Variants in COL13A1 observed in about 807,000 individuals in gnomAD.
The protein encoded by COL13A1 is collagen type XIII alpha 1 chain.
Under a neutral mutation model 130.9 loss-of-function variants are expected in COL13A1, and 89 were observed. That is an observed-to-expected ratio of 0.68 (90% CI 0.57 to 0.81). The LOEUF (loss-of-function observed/expected upper bound fraction) is 0.81, where lower values mean the gene tolerates loss of function less well. Ranked by LOEUF, COL13A1 falls within the 30% of genes least tolerant of loss-of-function variation. The probability of loss-of-function intolerance (pLI) is 0.00; values close to 1 mark genes in which losing one functional copy is unlikely to be tolerated. For synonymous variants in COL13A1, 402 were observed against 341.6 expected, an observed-to-expected ratio of 1.18 and a Z score of -1.95; for missense variants, 879 against 934.6, an observed-to-expected ratio of 0.94 and a Z score of 0.78.
Position 69,834,857 on chromosome 10 carries a change from G to A in COL13A1, c.364+12419G>A, listed in dbSNP as rs1270623686. On this transcript the variant is annotated intron_variant, in intron 2 of 40. Transcript: ENST00000645393. ...GGAACAGTTCGTCCAGAGGGAGAGGGGCTAGAAGCCCATTCTGAGCTTGTG... is the reference window on the plus strand; with the variant it reads ...GGAACAGTTCGTCCAGAGGGAGAGGAGCTAGAAGCCCATTCTGAGCTTGTG... 2.0e-5 allele frequency among the ~76,000 whole-genome samples: 3 copies of A among 152,316 alleles called. No individual in the cohort carries two copies. The South Asian group carries it at 6.2e-4, about 32-fold the overall frequency.
At chr10:69,872,793 A>G (rs1028275122) in intron 4 of COL13A1, among the ~76,000 whole-genome samples, 1 of 152,340 alleles carries the variant, frequency 6.6e-6, no homozygotes, top group East Asian at 1.9e-4. Context: ...TCAATACCTC[A>G]GTGAAATGGG....
rs561680463 is a variant in COL13A1, at chr10:69,885,830, G to T, written c.514-1626G>T. On this transcript the variant is annotated intron_variant, in intron 7 of 40. Coordinates refer to ENST00000645393, the MANE Select transcript of COL13A1 (RefSeq NM_001368882.1). ...ATCACTTATCCTTGAGAGGAGAAAA[G>T]CCAGGGGCCCTTCCGATAGATGAGT... Among the ~76,000 whole-genome samples the T allele has an allele frequency of 3.5e-4, 53 of 152,254 alleles. 2 individuals carry two copies. The highest frequency in any genetic ancestry group is 3.5e-3 in the Admixed American group (53 of 15,292).
intron 27 of COL13A1, among the ~76,000 whole-genome samples, chr10:69,927,916 T>C (rs375460899): frequency 7.2e-5 from 11 of 152,342 alleles, no homozygotes; most frequent in African/African-American, 2.2e-4. Context: ...TCCCAGCACT[T>C]TGAGACACTG....
chr10:69,869,033 G>A (rs576200728), intron 3 of COL13A1, among the ~76,000 whole-genome samples: 1 of 152,184 alleles, frequency 6.6e-6, no homozygotes, highest in African/African-American at 2.4e-5. Context: ...CTCACCCCCA[G>A]GGGCAGGATG....
chr10:69,891,958 G>C (rs1242635842), intron 10 of COL13A1, among the ~76,000 whole-genome samples: 1 of 152,198 alleles, frequency 6.6e-6, no homozygotes, highest in Non-Finnish European at 1.5e-5. Context: ...TCAGCAGCCA[G>C]CACTTTGTCC....
At chr10:69,857,632 G>T (rs758756393) in intron 2 of COL13A1, among the ~76,000 whole-genome samples, 1 of 136,194 alleles carries the variant, frequency 7.3e-6, no homozygotes, top group African/African-American at 2.8e-5. Flanking sequence ...CTCCCACCCC[G>T]AAAAATTGTC....
At chr10:69,850,173 A>G (rs896797798) in intron 2 of COL13A1, among the ~76,000 whole-genome samples, 16 of 151,956 alleles carry the variant, frequency 1.1e-4, no homozygotes, top group Admixed American at 3.9e-4. Context: ...GATGAGATCT[A>G]AATGTCCACA....
At chr10:69,871,393 A>C (rs147214892) in intron 3 of COL13A1, among the ~76,000 whole-genome samples, 1 of 152,130 alleles carries the variant, frequency 6.6e-6, no homozygotes, top group South Asian at 2.1e-4. Flanking sequence ...TCAGGAGCTC[A>C]CATTTTAGTG....
chr10:69,908,235 T>G (rs2135302515), intron 17 of COL13A1, among the ~76,000 whole-genome samples: 1 of 152,338 alleles, frequency 6.6e-6, no homozygotes, highest in Non-Finnish European at 1.5e-5. Flanking sequence ...CACACTGCAG[T>G]CATGAGGTTG....
At chr10:69,867,922 G>A (rs1298576873) in intron 3 of COL13A1, 117 bp downstream of exon 3, 7 of 691,688 alleles carry the variant, frequency 1.0e-5, no homozygotes, top group Non-Finnish European at 1.9e-5. Flanking sequence ...GGGGGCCTAT[G>A]CAGGCTCCTG....
chr10:69,892,552 A>G (rs2061283379), intron 10 of COL13A1, among the ~76,000 whole-genome samples: 1 of 152,180 alleles, frequency 6.6e-6, no homozygotes, highest in Non-Finnish European at 1.5e-5. Flanking sequence ...CACCACCCAC[A>G]GGGCTGTCGA....
At chr10:69,826,048 G>A (rs182782944) in intron 2 of COL13A1, among the ~76,000 whole-genome samples, 3 of 152,202 alleles carry the variant, frequency 2.0e-5, no homozygotes, top group East Asian at 1.9e-4. Context: ...TAGGAGAATG[G>A]TCTTGGGAAC....
At chr10:69,823,465 G>A (rs1020384837) in intron 2 of COL13A1, among the ~76,000 whole-genome samples, 1 of 152,184 alleles carries the variant, frequency 6.6e-6, no homozygotes, top group Non-Finnish European at 1.5e-5. Context: ...TGCCAGCTCA[G>A]CGTGTGGCCT....
intron 8 of COL13A1, 77 bp downstream of exon 8, chr10:69,887,568 A>G (rs2060722426): frequency 1.0e-5 from 15 of 1,494,882 alleles, no homozygotes; most frequent in Non-Finnish European, 1.4e-5. Context: ...ATCTGAGGTC[A>G]GCCCCGGTTC....
intron 12 of COL13A1, among the ~76,000 whole-genome samples, chr10:69,895,134 G>A (rs556183861): frequency 4.6e-5 from 7 of 152,346 alleles, no homozygotes; most frequent in Admixed American, 4.6e-4. Context: ...TGGTACAGGG[G>A]CCTGGCGCTC....
Position 69,947,182 on chromosome 10 carries a change from G to A in COL13A1, c.2023-125G>A, listed in dbSNP as rs565913769. On this transcript the variant is annotated intron_variant, in intron 37 of 40. Transcript: ENST00000645393. The stretch of plus-strand genomic sequence containing the variant: ...TTCTCTGTCCCCTTTCCGTGTAGTG[G>A]GAATAACTAAACCTGTCTCCAGTGA... 18 of 828,398 alleles carry A rather than the reference G, an allele frequency of 2.2e-5. No individual in the cohort carries two copies. In the South Asian group the frequency reaches 2.6e-4, roughly 12 times the overall value. The allele number at this position is 828,398 out of a possible 1,614,324, so 51.3% of individuals were successfully genotyped here. A position where few individuals can be genotyped will look rare whatever the true frequency, so the allele number is the denominator to read the frequency against.
chr10:69,938,697 C>T (rs1169428247), intron 34 of COL13A1, among the ~76,000 whole-genome samples: 2 of 152,168 alleles, frequency 1.3e-5, no homozygotes, highest in Non-Finnish European at 2.9e-5. Flanking sequence ...AGCTTGAAGG[C>T]CTGGTTAATA....
rs181986712 is a variant in COL13A1 at position 69,928,865 on chromosome 10, T to C, written c.1423-72T>C. 72 of 1,132,550 alleles carry C rather than the reference T, an allele frequency of 6.4e-5. 1 individual carries two copies. In the Admixed American group the frequency reaches 1.3e-3, roughly 20 times the overall value. 70.2% of individuals were successfully genotyped at this position (1,132,550 alleles called of 1,614,324 possible). A position where few individuals can be genotyped will look rare whatever the true frequency, so the allele number is the denominator to read the frequency against. On this transcript the variant is annotated intron_variant, in intron 27 of 40. Transcript: ENST00000645393. The stretch of plus-strand genomic sequence containing the variant: ...TTATCTGTACAAGCCAGCCTCCACA[T>C]ATAGCCCTCAGGGCACAGGCTACCC...
rs930629631 is a variant in COL13A1, at chr10:69,957,070, G to T, written c.2184+28G>T. The T allele has an allele frequency of 1.9e-6, 3 of 1,601,006 alleles. No homozygotes were observed. In the African/African-American group the frequency reaches 4.0e-5, roughly 21 times the overall value. On this transcript the variant is annotated intron_variant, in intron 40 of 40. Coordinates refer to ENST00000645393, the MANE Select transcript of COL13A1 (RefSeq NM_001368882.1). ...AAGGCTTCCCATTGGTGTGCACTGG[G>T]GCTCCGTTCTCAGCAGTGCCATAAA...
Sources: gnomAD v4.1 joint callset for allele counts (sites outside exome capture counted in the v4.1 genomes callset) on GRCh38, gnomAD v4.1.1 for gene constraint, MANE v1.5 for transcripts, NCBI Gene and HGNC (gene_info 2026-07-23, HGNC 2026-07-21) for gene names.